Variants in MYO5A observed in about 807,000 individuals in gnomAD.
MYO5A encodes unconventional myosin-Va.
Under a neutral mutation model 249.7 loss-of-function variants are expected in MYO5A, and 98 were observed. The ratio of observed to expected loss-of-function variants is 0.39; its 90% CI spans 0.33 to 0.46. The LOEUF is 0.46. Ranked by LOEUF, MYO5A falls within the 20% of genes least tolerant of loss-of-function variation. The probability of loss-of-function intolerance (pLI) is 0.98; values close to 1 mark genes in which losing one functional copy is unlikely to be tolerated. For missense variants in MYO5A, 1,696 were observed against 2,308.8 expected (o/e 0.73, Z 5.44); for synonymous variants, 778 against 810.6 (o/e 0.96, Z 0.68).
chr15:52,331,558 GATGCAAAAAC>G lies in MYO5A; in HGVS notation c.4409-1069_4409-1060del, dbSNP rs200305642. 1.0e-3 allele frequency: 565 copies of G among 540,494 alleles called. 6 individuals carry two copies. In the East Asian group the frequency reaches 0.027, roughly 26 times the overall value. 33.5% of individuals were successfully genotyped at this position (540,494 alleles called of 1,614,324 possible). On this transcript the variant is annotated intron_variant, in intron 34 of 41. Transcript: ENST00000399233. ...TTGCTGTCAAACAAAATGCAGATCAGATGCAAAAACATTAGAAAGCTTAATATTGCTGACT... is the reference window on the plus strand; with the variant it reads ...TTGCTGTCAAACAAAATGCAGATCAGATTAGAAAGCTTAATATTGCTGACT...
chr15:52,472,591 G>A (rs2076499035), intron 1 of MYO5A, among the ~76,000 whole-genome samples: 1 of 152,028 alleles, frequency 6.6e-6, no homozygotes. Context: ...CCCATCCTGT[G>A]TCCCTGTGTT....
chr15:52,506,209 G>C (rs944057343), intron 1 of MYO5A, among the ~76,000 whole-genome samples: 1 of 152,024 alleles, frequency 6.6e-6, no homozygotes, highest in African/African-American at 2.4e-5. Context: ...AAATTAGCCG[G>C]GCATGGTGGC....
intron 40 of MYO5A, 74 bp downstream of exon 40, chr15:52,316,974 A>T: frequency 6.8e-7 from 1 of 1,468,774 alleles, no homozygotes; most frequent in Non-Finnish European, 9.5e-7. Context: ...CAATAAGTAG[A>T]GGACTTCTTT....
intron 1 of MYO5A, among the ~76,000 whole-genome samples, chr15:52,489,621 G>A (rs1464300754): frequency 1.3e-5 from 2 of 149,598 alleles, no homozygotes; most frequent in African/African-American, 4.9e-5. Context: ...AGAGTGAAAA[G>A]GAAACCCACA....
chr15:52,359,919 CA>C, intron 25 of MYO5A, 48 bp downstream of exon 25: 1 of 1,325,000 alleles, frequency 7.5e-7, no homozygotes, highest in Non-Finnish European at 1.1e-6. Flanking sequence ...TCCTTGTTAA[CA>C]ACAGCATGCT....
intron 14 of MYO5A, among the ~76,000 whole-genome samples, chr15:52,386,626 C>A (rs770035348): frequency 2.1e-4 from 32 of 151,934 alleles, no homozygotes; most frequent in Non-Finnish European, 4.0e-4. Context: ...CGGCTCACTG[C>A]AGCCTCAACC....
chr15:52,526,519 G>A (rs147121252), intron 1 of MYO5A, among the ~76,000 whole-genome samples: 153 of 152,144 alleles, frequency 1.0e-3, no homozygotes, highest in African/African-American at 3.6e-3. Context: ...GCGCCACCAC[G>A]CCCAGCTAAT....
intron 1 of MYO5A, among the ~76,000 whole-genome samples, chr15:52,460,169 G>A (rs1383486496): frequency 6.6e-6 from 1 of 150,678 alleles, no homozygotes; most frequent in Non-Finnish European, 1.5e-5. Flanking sequence ...CAGACTGGGC[G>A]GCCAGGCAGA....
At chr15:52,518,264 C>CAAAAA (rs36190580) in intron 1 of MYO5A, among the ~76,000 whole-genome samples, 1 of 107,784 alleles carries the variant, frequency 9.3e-6, no homozygotes, top group Admixed American at 1.0e-4. Flanking sequence ...ACCCCTCCCA[C>CAAAAA]AAAAAAAAAA....
intron 1 of MYO5A, among the ~76,000 whole-genome samples, chr15:52,441,928 A>G (rs938612156): frequency 6.6e-6 from 1 of 152,226 alleles, no homozygotes; most frequent in Non-Finnish European, 1.5e-5. Flanking sequence ...GAGGGTGGAC[A>G]AAAAGAATTA....
Position 52,359,872 on chromosome 15 carries a change from T to C in MYO5A, c.3423+96A>G, listed in dbSNP as rs1476692456. Reference sequence around the variant, plus strand: ...TAAATGATTCAAACAAATACTATGTTTATGGCCAATTGGAGTCTGCTTTGC... The same window carrying C: ...TAAATGATTCAAACAAATACTATGTCTATGGCCAATTGGAGTCTGCTTTGC... On this transcript the variant is annotated intron_variant, in intron 25 of 41. Transcript: ENST00000399233. 7.2e-6 allele frequency: 6 copies of C among 833,928 alleles called. No homozygotes were observed. The Admixed American group carries it at 1.2e-4, about 17-fold the overall frequency. 51.7% of individuals were successfully genotyped at this position (833,928 alleles called of 1,614,324 possible).
intron 5 of MYO5A, among the ~76,000 whole-genome samples, chr15:52,415,208 C>T (rs558742191): frequency 2.0e-5 from 3 of 152,146 alleles, no homozygotes; most frequent in African/African-American, 7.2e-5. Context: ...TAAAGCTTGA[C>T]AAAGGAAAAA....
rs1022221620 is a variant in MYO5A at position 52,431,699 on chromosome 15, A to AT, written c.138+1475_138+1476insA. The stretch of plus-strand genomic sequence containing the variant: ...GTGCTATATCTAAAAAAAAAAAAAA[A>AT]AATAAGCCAGGCACAGTGGCTCATG... On this transcript the variant is annotated intron_variant, in intron 2 of 41. Transcript: ENST00000399233. Among the ~76,000 whole-genome samples the AT allele has an allele frequency of 1.8e-4, 27 of 151,646 alleles. No homozygotes were observed. In the East Asian group the frequency reaches 3.7e-3, roughly 21 times the overall value.
In MYO5A at chr15:52,372,326, C is replaced by T. The variant is rs183036314; in HGVS notation, c.2615G>A (p.Arg872Gln). The T allele has an allele frequency of 3.0e-5, 48 of 1,605,364 alleles. No individual in the cohort carries two copies. The highest frequency in any genetic ancestry group is 1.1e-4 in the East Asian group (5 of 44,856). Residue 872 changes from arginine to glutamine, a missense_variant, in exon 21 of 42, where the codon CGA becomes CAA. By Grantham distance (43) the Arg-to-Gln change is conservative. Coordinates refer to ENST00000399233, the MANE Select transcript of MYO5A (RefSeq NM_001382347.1). ...REHKAVIIQK[R>Q]VRGWLARTHY... ...TGTGCGGGCCAGCCAGCCCCGGACT[C>T]GCTTCTGAATGATGACTGCTTTGTG...
intron 1 of MYO5A, among the ~76,000 whole-genome samples, chr15:52,515,045 G>C (rs1343211127): frequency 6.6e-6 from 1 of 152,116 alleles, no homozygotes; most frequent in Non-Finnish European, 1.5e-5. Context: ...TGGGAGGCCA[G>C]GGTGGGAGGA....
At chr15:52,357,452 CAAAAA>C (rs35645503) in intron 25 of MYO5A, among the ~76,000 whole-genome samples, 1 of 93,736 alleles carries the variant, frequency 1.1e-5, no homozygotes, top group Non-Finnish European at 2.6e-5. Flanking sequence ...CTAGAACTAG[CAAAAA>C]AAAAAAAAAA....
intron 1 of MYO5A, among the ~76,000 whole-genome samples, chr15:52,492,497 C>T (rs981991787): frequency 6.6e-6 from 1 of 152,158 alleles, no homozygotes; most frequent in African/African-American, 2.4e-5. Flanking sequence ...ATAGCACTTA[C>T]TAAGATTCCA....
chr15:52,348,898 A>C, intron 28 of MYO5A, 72 bp from the exon 29 acceptor site: 4 of 1,492,416 alleles, frequency 2.7e-6, no homozygotes, highest in Non-Finnish European at 3.7e-6. Context: ...AATAAATTTC[A>C]TCAATGAGTT....
intron 1 of MYO5A, among the ~76,000 whole-genome samples, chr15:52,498,842 A>C (rs1173312501): frequency 6.6e-6 from 1 of 152,140 alleles, no homozygotes; most frequent in Non-Finnish European, 1.5e-5. Context: ...AGAAGTACCA[A>C]CCCCATACCA....
Sources: allele counts gnomAD v4.1 joint callset (sites outside exome capture counted in the v4.1 genomes callset), GRCh38; gene constraint gnomAD v4.1.1; transcripts MANE v1.5; gene names NCBI Gene and HGNC (gene_info 2026-07-23, HGNC 2026-07-21).